The following SAMSN1 variants were observed in gnomAD, a reference collection of about 807,000 sequenced individuals.
The protein encoded by SAMSN1 is SAM domain, SH3 domain and nuclear localization signals 1, also known as SAM domain-containing protein SAMSN-1.
In SAMSN1, 31 loss-of-function variants were observed where a neutral mutation model predicts 42.0. The observed-to-expected ratio is 0.74, with a 90% CI of 0.55 to 1.00. The LOEUF is 1.00. SAMSN1 is among the 50% of genes least tolerant of loss of function. SAMSN1 has a pLI of 0.00. For synonymous variants in SAMSN1, 178 were observed against 151.9 expected (o/e 1.17, Z -1.26); for missense variants, 464 against 439.4 (o/e 1.06, Z -0.50).
At chr21:14,558,876 C>T (rs1285348763) in intron 2 of SAMSN1, among the ~76,000 whole-genome samples, 1 of 152,144 alleles carries the variant, frequency 6.6e-6, no homozygotes, top group Non-Finnish European at 1.5e-5. Context: ...CTGTGAAGTA[C>T]TTATTCTGAT....
upstream of SAMSN1, among the ~76,000 whole-genome samples, chr21:14,587,502 T>G (rs150349904): frequency 1.5e-3 from 235 of 152,296 alleles, no homozygotes; most frequent in Middle Eastern, 6.8e-3. Context: ...AACTCCTATA[T>G]GCTGACACCT....
intron 2 of SAMSN1, among the ~76,000 whole-genome samples, chr21:14,624,716 C>T (rs1439584951): frequency 1.4e-4 from 22 of 152,184 alleles, no homozygotes; most frequent in Admixed American, 1.4e-3. Flanking sequence ...GAGCTGGTAC[C>T]ATTCCTTCTG....
At chr21:14,653,982 T>A (rs1983875196) in intron 1 of SAMSN1, among the ~76,000 whole-genome samples, 1 of 152,000 alleles carries the variant, frequency 6.6e-6, no homozygotes, top group Admixed American at 6.6e-5. Flanking sequence ...ATAATAAAAA[T>A]ATTATTTATT....
At chr21:14,564,885 A>G (rs1393880886) in intron 2 of SAMSN1, among the ~76,000 whole-genome samples, 1 of 152,178 alleles carries the variant, frequency 6.6e-6, no homozygotes, top group Non-Finnish European at 1.5e-5. Context: ...AAGTTATAGC[A>G]TGCATAATTT....
At chr21:14,524,003 C>G (rs1370170962) in intron 1 of SAMSN1, among the ~76,000 whole-genome samples, 2 of 151,946 alleles carry the variant, frequency 1.3e-5, no homozygotes, top group African/African-American at 4.8e-5. Flanking sequence ...GTTAAGACAC[C>G]CTTAAGAAGA....
At chr21:14,644,465 G>A (rs970399239) in intron 1 of SAMSN1, among the ~76,000 whole-genome samples, 1 of 152,126 alleles carries the variant, frequency 6.6e-6, no homozygotes, top group Non-Finnish European at 1.5e-5. Flanking sequence ...AGTCCTGGCA[G>A]TATTCATTAC....
At chr21:14,621,840 T>C (rs1438734343) in intron 2 of SAMSN1, among the ~76,000 whole-genome samples, 1 of 152,226 alleles carries the variant, frequency 6.6e-6, no homozygotes, top group Admixed American at 6.5e-5. Flanking sequence ...AGGGGGTCCC[T>C]GACCCTCGAG....
intron 2 of SAMSN1, among the ~76,000 whole-genome samples, chr21:14,626,198 C>A (rs552378913): frequency 7.2e-5 from 11 of 152,282 alleles, no homozygotes; most frequent in African/African-American, 2.4e-4. Flanking sequence ...CTAGGCATTA[C>A]CATTCAGGAC....
intron 7 of SAMSN1, among the ~76,000 whole-genome samples, chr21:14,489,024 T>A (rs1282895275): frequency 6.6e-6 from 1 of 152,168 alleles, no homozygotes; most frequent in East Asian, 1.9e-4. Flanking sequence ...ATGACAGGGA[T>A]TGGCACAAAC....
chr21:14,489,076 T>A (rs1030100370), intron 7 of SAMSN1, among the ~76,000 whole-genome samples: 9 of 152,198 alleles, frequency 5.9e-5, no homozygotes. Flanking sequence ...GCAGAGGAGA[T>A]GAATTCACAT....
chr21:14,651,842 TC>T lies in SAMSN1; in HGVS notation c.24+6905del, dbSNP rs776613483. Among the ~76,000 whole-genome samples the T allele has an allele frequency of 2.6e-5, 4 of 151,960 alleles. 1 individual carries two copies. Among genetic ancestry groups the T allele is most frequent in the Non-Finnish European group, 5.9e-5 (4 of 67,916 alleles). On this transcript the variant is annotated intron_variant, in intron 1 of 15. Transcript: ENST00000647101. Reference sequence around the variant, plus strand: ...TTTAGCAACGTTGCAGGATACAATTTCAACATAAAATACCAGTAGCATTTCT... The same window carrying T: ...TTTAGCAACGTTGCAGGATACAATTTAACATAAAATACCAGTAGCATTTCT...
At chr21:14,586,977 C>A (rs1981938494), upstream of SAMSN1, among the ~76,000 whole-genome samples, 1 of 152,130 alleles carries the variant, frequency 6.6e-6, no homozygotes, top group Non-Finnish European at 1.5e-5. Context: ...GGAAGAGTAC[C>A]AAGAGATGAG....
intron 1 of SAMSN1, among the ~76,000 whole-genome samples, chr21:14,537,305 C>A (rs1474568208): frequency 2.0e-5 from 3 of 152,154 alleles, no homozygotes; most frequent in Non-Finnish European, 2.9e-5. Flanking sequence ...TCTTCCAGTC[C>A]TTTTTCCAAT....
intron 1 of SAMSN1, among the ~76,000 whole-genome samples, chr21:14,534,447 C>G (rs1979467497): frequency 6.6e-6 from 1 of 151,414 alleles, no homozygotes; most frequent in South Asian, 2.1e-4. Flanking sequence ...TGAGTTTAAA[C>G]AACAACAACA....
At chr21:14,564,182 C>T (rs9980764) in intron 2 of SAMSN1, among the ~76,000 whole-genome samples, 31,390 of 152,002 alleles carry the variant, frequency 0.21, 3,826 homozygotes, top group African/African-American at 0.34. Flanking sequence ...CTAAGAGGAC[C>T]TTAGATGCCT....
upstream of SAMSN1, among the ~76,000 whole-genome samples, chr21:14,549,547 C>T (rs867634385): frequency 1.1e-4 from 16 of 151,972 alleles, no homozygotes; most frequent in Middle Eastern, 3.2e-3. Context: ...TAACTCTAAC[C>T]AAAAATACTC....
At chr21:14,570,880 C>T (rs1208718594) in intron 2 of SAMSN1, among the ~76,000 whole-genome samples, 3 of 152,156 alleles carry the variant, frequency 2.0e-5, no homozygotes, top group Admixed American at 6.5e-5. Context: ...TTCCTCATTG[C>T]TTTTAGGGAA....
chr21:14,556,144 A>G (rs1228078810), intron 2 of SAMSN1, among the ~76,000 whole-genome samples: 1 of 152,122 alleles, frequency 6.6e-6, no homozygotes, highest in Non-Finnish European at 1.5e-5. Flanking sequence ...TTTCCTTTCT[A>G]TTTTCACTCA....
intron 2 of SAMSN1, among the ~76,000 whole-genome samples, chr21:14,517,306 T>A (rs1214615952): frequency 1.3e-5 from 2 of 152,246 alleles, no homozygotes; most frequent in Non-Finnish European, 2.9e-5. Context: ...GAATTTTGAC[T>A]ATTTTTTAAA....
Sources: gnomAD v4.1 joint callset for allele counts (sites outside exome capture counted in the v4.1 genomes callset) on GRCh38, gnomAD v4.1.1 for gene constraint, MANE v1.5 for transcripts, NCBI Gene and HGNC (gene_info 2026-07-23, HGNC 2026-07-21) for gene names.